MTUS2: variants seen among roughly 807,000 people sequenced by gnomAD.
The protein encoded by MTUS2 is microtubule associated scaffold protein 2.
A neutral mutation model predicts 114.1 loss-of-function variants in MTUS2; 40 were observed. That is an observed-to-expected ratio of 0.35 (90% CI 0.27 to 0.46). The LOEUF (loss-of-function observed/expected upper bound fraction) is 0.46. Among genes scored for constraint, MTUS2 ranks in the 20% least tolerant of loss-of-function variants. MTUS2 has a pLI of 1.00. For missense variants in MTUS2, 1,679 were observed against 1,705.4 expected, an observed-to-expected ratio of 0.98 and a Z score of 0.27; for synonymous variants, 688 against 672.0, an observed-to-expected ratio of 1.02 and a Z score of -0.37.
chr13:29,183,067 G>A (rs1489856098), intron 5 of MTUS2, among the ~76,000 whole-genome samples: 2 of 152,218 alleles, frequency 1.3e-5, no homozygotes, highest in African/African-American at 4.8e-5. Flanking sequence ...TATCACAGAA[G>A]CAGCATTATG....
At chr13:29,263,987 A>T (rs976327439) in intron 5 of MTUS2, among the ~76,000 whole-genome samples, 4 of 152,234 alleles carry the variant, frequency 2.6e-5, no homozygotes, top group Non-Finnish European at 5.9e-5. Context: ...TCACTAAAAA[A>T]GTCCAAAGTC....
chr13:28,958,785 G>A (rs1300474697), intron 2 of MTUS2, among the ~76,000 whole-genome samples: 1 of 152,220 alleles, frequency 6.6e-6, no homozygotes, highest in African/African-American at 2.4e-5. Context: ...AGCTGTAGCT[G>A]TGGATGTTTG....
At chr13:28,999,243 C>T (rs977633606) in intron 2 of MTUS2, among the ~76,000 whole-genome samples, 1 of 152,158 alleles carries the variant, frequency 6.6e-6, no homozygotes, top group African/African-American at 2.4e-5. Flanking sequence ...CTGATCGTTC[C>T]TCTGGAAGTT....
intron 5 of MTUS2, among the ~76,000 whole-genome samples, chr13:29,104,595 A>G (rs796156761): frequency 1.3e-5 from 2 of 152,208 alleles, no homozygotes; most frequent in Non-Finnish European, 2.9e-5. Context: ...GCCTCCTTGT[A>G]ATCTTCAACA....
At position 29,100,894 on chromosome 13, in the gene MTUS2, G is replaced by A; in HGVS notation, c.2568G>A (p.Arg856=). Residue 856 remains arginine, a synonymous_variant, in exon 5 of 16, where the codon CGG becomes CGA. Coordinates refer to ENST00000612955, the MANE Select transcript of MTUS2 (RefSeq NM_001033602.4). ...AAKLAAFGFV[R]SSSVSSVSST... Reference sequence around the variant, plus strand: ...AACTGGCGGCATTTGGCTTTGTCCGGAGCTCCAGCGTCTCCTCAGTCTCCA... The same window carrying A: ...AACTGGCGGCATTTGGCTTTGTCCGAAGCTCCAGCGTCTCCTCAGTCTCCA... 3 of 1,569,054 alleles carry A rather than the reference G, an allele frequency of 1.9e-6. No individual in the cohort carries two copies. Among genetic ancestry groups the A allele is most frequent in the Non-Finnish European group, 1.7e-6 (2 of 1,156,886 alleles).
chr13:29,150,287 G>A (rs1286207847), intron 5 of MTUS2, among the ~76,000 whole-genome samples: 2 of 152,050 alleles, frequency 1.3e-5, no homozygotes, highest in African/African-American at 4.8e-5. Context: ...AATTGTGAGT[G>A]GGAGTTCATT....
chr13:29,150,302 A>G (rs183167181), intron 5 of MTUS2, among the ~76,000 whole-genome samples: 1 of 152,050 alleles, frequency 6.6e-6, no homozygotes, highest in East Asian at 1.9e-4. Flanking sequence ...TTCATTCATG[A>G]TTTGGTTGAG....
At chr13:29,105,332 GA>G (rs1890610788) in intron 5 of MTUS2, among the ~76,000 whole-genome samples, 1 of 152,168 alleles carries the variant, frequency 6.6e-6, no homozygotes, top group East Asian at 1.9e-4. Context: ...GGGAAAATAG[GA>G]TGACTTAGGT....
chr13:29,080,975 C>G (rs1474936404), intron 4 of MTUS2, among the ~76,000 whole-genome samples: 1 of 152,180 alleles, frequency 6.6e-6, no homozygotes, highest in African/African-American at 2.4e-5. Flanking sequence ...ATCCTCCCAT[C>G]TCAGCCTCTC....
At chr13:29,398,491 G>GAAAAA (rs60747066) in intron 8 of MTUS2, among the ~76,000 whole-genome samples, 1 of 142,566 alleles carries the variant, frequency 7.0e-6, no homozygotes, top group African/African-American at 2.6e-5. Context: ...GAAAGAAAAA[G>GAAAAA]AAAAAAAAAA....
intron 5 of MTUS2, among the ~76,000 whole-genome samples, chr13:29,180,949 C>G (rs1893976994): frequency 1.3e-5 from 2 of 152,128 alleles, no homozygotes; most frequent in South Asian, 2.1e-4. Flanking sequence ...AACTGTATGT[C>G]CATTTGATTT....
chr13:29,265,825 A>G (rs1897645176), intron 5 of MTUS2, among the ~76,000 whole-genome samples: 1 of 152,194 alleles, frequency 6.6e-6, no homozygotes, highest in Admixed American at 6.5e-5. Context: ...CACTGCCATG[A>G]TTCAAACACC....
intron 8 of MTUS2, among the ~76,000 whole-genome samples, chr13:29,389,371 G>GTGTGTGTA (rs1566172660): frequency 6.2e-5 from 4 of 64,354 alleles, no homozygotes; most frequent in Non-Finnish European, 1.4e-4. Context: ...ATGCACGTGT[G>GTGTGTGTA]TGTATATATG....
intron 2 of MTUS2, among the ~76,000 whole-genome samples, chr13:28,919,614 C>T (rs1880934909): frequency 6.6e-6 from 1 of 152,004 alleles, no homozygotes; most frequent in Non-Finnish European, 1.5e-5. Context: ...ATATATTTCT[C>T]TAGGTTTGGC....
At chr13:29,335,699 T>C (rs1381005309) in intron 7 of MTUS2, among the ~76,000 whole-genome samples, 1 of 152,190 alleles carries the variant, frequency 6.6e-6, no homozygotes, top group Non-Finnish European at 1.5e-5. Context: ...AAAGAACATA[T>C]GTGAATTATC....
intron 9 of MTUS2, among the ~76,000 whole-genome samples, chr13:29,453,871 T>A (rs1186245443): frequency 6.6e-6 from 1 of 152,134 alleles, no homozygotes; most frequent in African/African-American, 2.4e-5. Flanking sequence ...CTTGGCAGAT[T>A]TTTTTAACAT....
In MTUS2 at chr13:29,279,799, A is replaced by T. The variant is rs561430461; in HGVS notation, c.2645-1905A>T. On this transcript the variant is annotated intron_variant, in intron 5 of 15. Transcript: ENST00000612955. ...CAAATCTCTAAATTGACGTGTTCAC[A>T]GAATAATAAATTTCATGTAAGAGAA... 2.2e-4 allele frequency among the ~76,000 whole-genome samples: 34 copies of T among 152,374 alleles called. No individual in the cohort carries two copies. The South Asian group carries it at 6.6e-3, about 30-fold the overall frequency.
chr13:29,455,941 A>G (rs1879079176), intron 9 of MTUS2, among the ~76,000 whole-genome samples: 1 of 152,164 alleles, frequency 6.6e-6, no homozygotes, highest in Admixed American at 6.5e-5. Context: ...TGATTACACC[A>G]CTGCACTCCA....
chr13:29,304,971 A>G (rs951085998), intron 6 of MTUS2, among the ~76,000 whole-genome samples: 4 of 152,184 alleles, frequency 2.6e-5, no homozygotes. Flanking sequence ...CTAGAATTCA[A>G]GATTAAGAAA....
Sources: gnomAD v4.1 joint callset for allele counts (sites outside exome capture counted in the v4.1 genomes callset) on GRCh38, gnomAD v4.1.1 for gene constraint, MANE v1.5 for transcripts, NCBI Gene and HGNC (gene_info 2026-07-23, HGNC 2026-07-21) for gene names.